Variants in DYDC1 observed in about 807,000 individuals in gnomAD.
DYDC1 encodes the protein DPY30 domain-containing protein 1.
Under a neutral mutation model 27.9 loss-of-function variants are expected in DYDC1, and 21 were observed. That is an observed-to-expected ratio of 0.75 (90% CI 0.53 to 1.08). The LOEUF is 1.08. Among genes scored for constraint, DYDC1 ranks in the 50% least tolerant of loss-of-function variants. The pLI, the probability that DYDC1 is intolerant of heterozygous loss-of-function variation, is 0.00. For synonymous variants in DYDC1, 67 were observed against 65.8 expected (o/e 1.02, Z -0.09); for missense variants, 202 against 205.9 (o/e 0.98, Z 0.12).
rs1032729095 is a variant in DYDC1, at chr10:80,346,444, CTTTTTTTTTTT to C, written c.250-4094_250-4084del. 3.4e-4 allele frequency among the ~76,000 whole-genome samples: 28 copies of C among 83,358 alleles called. No individual in the cohort carries two copies. The East Asian group carries it at 3.7e-3, about 11-fold the overall frequency. The allele number at this position is 83,358 out of a possible 152,430, so 54.7% of individuals were successfully genotyped here. Reference sequence around the variant, plus strand: ...TCACCAATGTGTGTCTCTTCCCTTTCTTTTTTTTTTTTTTTTTTTTTTTTTTTCTTTTTTGA... The same window carrying C: ...TCACCAATGTGTGTCTCTTCCCTTTCTTTTTTTTTTTTTTTTCTTTTTTGA... On this transcript the variant is annotated intron_variant, in intron 3 of 6. Transcript: ENST00000372202.
chr10:80,340,101 T>C (rs568438295), intron 4 of DYDC1, among the ~76,000 whole-genome samples: 25 of 152,314 alleles, frequency 1.6e-4, no homozygotes, highest in African/African-American at 6.0e-4. Flanking sequence ...TCCCTACCCA[T>C]GTGCAGCAAA....
chr10:80,356,142 A>G, intron 1 of DYDC1: 1 of 655,120 alleles, frequency 1.5e-6, no homozygotes, highest in Non-Finnish European at 1.9e-6. Flanking sequence ...ATTTCTGGGC[A>G]TATCAGTGGG....
chr10:80,346,444 C>CTTCTTTTTTTTTTT (rs1842630535), intron 3 of DYDC1, among the ~76,000 whole-genome samples: 1 of 83,360 alleles, frequency 1.2e-5, no homozygotes, highest in Non-Finnish European at 2.2e-5. Context: ...TCTTCCCTTT[C>CTTCTTTTTTTTTTT]TTTTTTTTTT....
chr10:80,343,297 G>A (rs754777096), intron 3 of DYDC1, among the ~76,000 whole-genome samples: 3 of 152,022 alleles, frequency 2.0e-5, no homozygotes, highest in East Asian at 1.9e-4. Flanking sequence ...TATTGTCTAC[G>A]AGCGCTTTTG....
chr10:80,355,096 G>GA (rs79869965), intron 1 of DYDC1, among the ~76,000 whole-genome samples: 16,789 of 142,340 alleles, frequency 0.12, 1,114 homozygotes, highest in South Asian at 0.28. Flanking sequence ...TACATTTACT[G>GA]AAAAAAAAAA....
At chr10:80,338,138 G>A in intron 6 of DYDC1, 1 of 985,396 alleles carries the variant, frequency 1.0e-6, no homozygotes, top group Non-Finnish European at 1.2e-6. Flanking sequence ...TTTGGTTCCA[G>A]GGTTTGCTAC....
intron 3 of DYDC1, among the ~76,000 whole-genome samples, chr10:80,342,683 G>T (rs1357536532): frequency 6.6e-6 from 1 of 152,114 alleles, no homozygotes; most frequent in Non-Finnish European, 1.5e-5. Context: ...GGAAGAGTGG[G>T]TGAGAAACTC....
intron 2 of DYDC1, 63 bp from the exon 3 acceptor site, chr10:80,352,065 T>A: frequency 1.3e-6 from 2 of 1,486,508 alleles, no homozygotes; most frequent in Non-Finnish European, 1.9e-6. Context: ...GTAAAAGCAA[T>A]CTTGAAAGCA....
chr10:80,354,668 C>T (rs1035808933), intron 1 of DYDC1, among the ~76,000 whole-genome samples: 4 of 151,954 alleles, frequency 2.6e-5, no homozygotes, highest in African/African-American at 7.3e-5. Flanking sequence ...AGTGTGGAGC[C>T]GTCATGCATG....
At chr10:80,342,680 T>C (rs899252041) in intron 3 of DYDC1, among the ~76,000 whole-genome samples, 1 of 151,788 alleles carries the variant, frequency 6.6e-6, no homozygotes, top group African/African-American at 2.4e-5. Context: ...TGTGGAAGAG[T>C]GGGTGAGAAA....
At chr10:80,336,669 T>C (rs1842144641) in intron 6 of DYDC1, among the ~76,000 whole-genome samples, 1 of 152,250 alleles carries the variant, frequency 6.6e-6, no homozygotes, top group Admixed American at 6.5e-5. Flanking sequence ...TCTCTGCAAC[T>C]GAAGCCATCA....
chr10:80,336,346 A>C (rs1394447351), intron 6 of DYDC1, 161 bp from the exon 7 acceptor site: 5 of 981,582 alleles, frequency 5.1e-6, no homozygotes, highest in Non-Finnish European at 6.0e-6. Context: ...GAATATAACC[A>C]TAAATTATGT....
chr10:80,342,016 C>T (rs983411928), intron 4 of DYDC1, among the ~76,000 whole-genome samples: 2 of 107,788 alleles, frequency 1.9e-5, no homozygotes, highest in African/African-American at 8.3e-5. Flanking sequence ...AAGAATGAGA[C>T]TCCGTCTCAA....
At chr10:80,345,884 G>A (rs1418328214) in intron 3 of DYDC1, among the ~76,000 whole-genome samples, 2 of 152,088 alleles carry the variant, frequency 1.3e-5, no homozygotes, top group African/African-American at 2.4e-5. Context: ...TCAAGACAGG[G>A]TCTTGCTCTG....
At chr10:80,341,891 G>A (rs1284489834) in intron 4 of DYDC1, among the ~76,000 whole-genome samples, 1 of 152,116 alleles carries the variant, frequency 6.6e-6, no homozygotes, top group Non-Finnish European at 1.5e-5. Context: ...GGGCGTGGTG[G>A]TGCGTGCCTG....
intron 1 of DYDC1, among the ~76,000 whole-genome samples, chr10:80,355,711 T>C (rs771442255): frequency 9.2e-5 from 14 of 152,190 alleles, no homozygotes; most frequent in Non-Finnish European, 1.5e-4. Flanking sequence ...AAATTGTATA[T>C]GGTCTGTCAT....
Position 80,352,618 on chromosome 10 carries a change from G to A in DYDC1, c.-9-8C>T, listed in dbSNP as rs1163108697. On this transcript the variant is annotated splice_polypyrimidine_tract_variant and splice_region_variant and intron_variant, in intron 1 of 6. Transcript: ENST00000372202. ...TGACTCCATTTCTAACTCCTAAAAA[G>A]TAAGTGTTTTTGCATTACTGCAGGA... The A allele has an allele frequency of 1.3e-6, 2 of 1,593,370 alleles. No individual in the cohort carries two copies. Among genetic ancestry groups the A allele is most frequent in the Non-Finnish European group, 1.7e-6 (2 of 1,173,974 alleles).
intron 3 of DYDC1, among the ~76,000 whole-genome samples, chr10:80,348,716 T>C (rs1472737433): frequency 6.6e-6 from 1 of 152,216 alleles, no homozygotes; most frequent in Non-Finnish European, 1.5e-5. Context: ...AAGTAATGCA[T>C]GCTAAAAGGC....
At chr10:80,342,443 T>C in intron 3 of DYDC1, 82 bp from the exon 4 acceptor site, 1 of 1,317,678 alleles carries the variant, frequency 7.6e-7, no homozygotes, top group Non-Finnish European at 1.1e-6. Context: ...TTTCAGAAAC[T>C]TACAATACAT....
Sources: gnomAD v4.1 joint callset for allele counts (sites outside exome capture counted in the v4.1 genomes callset) on GRCh38, gnomAD v4.1.1 for gene constraint, MANE v1.5 for transcripts, NCBI Gene and HGNC (gene_info 2026-07-23, HGNC 2026-07-21) for gene names.